The following TMEM131 variants were observed in gnomAD, a reference collection of about 807,000 sequenced individuals.
The protein encoded by TMEM131 is transmembrane protein 131, also known as 2610524E03Rik.
In TMEM131, 66 loss-of-function variants were observed where a neutral mutation model predicts 211.6. The observed-to-expected ratio is 0.31, with a 90% CI of 0.26 to 0.38. The LOEUF (loss-of-function observed/expected upper bound fraction) is 0.38. TMEM131 is among the 10% of genes least tolerant of loss of function. The pLI is 1.00. For synonymous variants in TMEM131, 844 were observed against 841.3 expected, an observed-to-expected ratio of 1.00 and a Z score of -0.06; for missense variants, 2,036 against 2,299.3, an observed-to-expected ratio of 0.89 and a Z score of 2.34.
At chr2:97,767,963 C>A (rs1679260090) in intron 33 of TMEM131, among the ~76,000 whole-genome samples, 1 of 152,198 alleles carries the variant, frequency 6.6e-6, no homozygotes, top group African/African-American at 2.4e-5. Flanking sequence ...ATAACACCCT[C>A]ATTCCCCAAC....
intron 1 of TMEM131, among the ~76,000 whole-genome samples, chr2:97,928,861 T>C (rs570292502): frequency 8.6e-5 from 13 of 151,744 alleles, no homozygotes; most frequent in Admixed American, 3.3e-4. Flanking sequence ...TGGTAATGGT[T>C]AAGAGTCAGT....
chr2:97,844,570 G>A (rs1683339231), intron 5 of TMEM131, among the ~76,000 whole-genome samples: 1 of 152,126 alleles, frequency 6.6e-6, no homozygotes, highest in Non-Finnish European at 1.5e-5. Context: ...AATCAGATAG[G>A]AGTTGCGTTG....
Position 97,756,822 on chromosome 2 carries a change from G to GT in TMEM131, c.*276dup. Reference sequence around the variant, plus strand: ...GGGGAAGACAGGTGGTGAAAACGCAGTAACGGGAAAGGTTCTCAGATGTAC... The same window carrying GT: ...GGGGAAGACAGGTGGTGAAAACGCAGTTAACGGGAAAGGTTCTCAGATGTAC... On this transcript the variant is annotated 3_prime_UTR_variant, in exon 41 of 41. Transcript: ENST00000186436. The GT allele has an allele frequency of 3.6e-6, 1 of 277,512 alleles. No individual in the cohort carries two copies. The highest frequency in any genetic ancestry group is 6.7e-6 in the Non-Finnish European group (1 of 150,312). The allele number at this position is 277,512 out of a possible 1,614,324, so 17.2% of individuals were successfully genotyped here.
At chr2:97,961,196 ATATCAAT>A (rs1678801280) in intron 1 of TMEM131, among the ~76,000 whole-genome samples, 1 of 152,132 alleles carries the variant, frequency 6.6e-6, no homozygotes, top group African/African-American at 2.4e-5. Flanking sequence ...TTAATAACAA[ATATCAAT>A]TACATTTCTA....
chr2:97,833,322 CAAAG>C (rs1682792607), intron 11 of TMEM131, 39 bp downstream of exon 11: 2 of 925,302 alleles, frequency 2.2e-6, no homozygotes. Context: ...CATTTAAAAA[CAAAG>C]AATATATAAA....
At chr2:97,796,713 T>C in intron 27 of TMEM131, 131 bp downstream of exon 27, 2 of 947,452 alleles carry the variant, frequency 2.1e-6, no homozygotes, top group Non-Finnish European at 3.1e-6. Context: ...ACATGGAATT[T>C]CCTTAAGCTC....
At chr2:97,770,205 C>G (rs1290725854) in intron 33 of TMEM131, among the ~76,000 whole-genome samples, 1 of 152,140 alleles carries the variant, frequency 6.6e-6, no homozygotes, top group African/African-American at 2.4e-5. Flanking sequence ...CACAGAATGG[C>G]TCTGTTCAGA....
chr2:97,899,844 T>C (rs1050798054), intron 3 of TMEM131, among the ~76,000 whole-genome samples: 1 of 152,128 alleles, frequency 6.6e-6, no homozygotes, highest in Non-Finnish European at 1.5e-5. Context: ...AATGGCTACA[T>C]TGAGCTAATG....
intron 1 of TMEM131, among the ~76,000 whole-genome samples, chr2:97,985,106 T>G (rs1679966235): frequency 6.6e-6 from 1 of 152,126 alleles, no homozygotes; most frequent in African/African-American, 2.4e-5. Flanking sequence ...AAATTTCCTA[T>G]TATTAAGAAC....
At chr2:97,787,931 C>T (rs1052404871) in intron 31 of TMEM131, among the ~76,000 whole-genome samples, 1 of 152,182 alleles carries the variant, frequency 6.6e-6, no homozygotes, top group Non-Finnish European at 1.5e-5. Context: ...ACATTCCTTG[C>T]TCCCACCATC....
chr2:97,970,287 G>T (rs1679240825), intron 1 of TMEM131, among the ~76,000 whole-genome samples: 1 of 152,096 alleles, frequency 6.6e-6, no homozygotes, highest in Non-Finnish European at 1.5e-5. Flanking sequence ...AGGGTATCAA[G>T]GCTGATCCAA....
intron 1 of TMEM131, among the ~76,000 whole-genome samples, chr2:97,963,647 G>A (rs984600267): frequency 2.0e-5 from 3 of 152,188 alleles, no homozygotes; most frequent in Non-Finnish European, 4.4e-5. Context: ...CCAGGGAGAC[G>A]GAGGTTGCAG....
At chr2:97,921,180 C>T (rs1230933468) in intron 2 of TMEM131, among the ~76,000 whole-genome samples, 1 of 152,026 alleles carries the variant, frequency 6.6e-6, no homozygotes, top group East Asian at 1.9e-4. Flanking sequence ...CAAAGAAATC[C>T]AATACAGTGC....
At chr2:97,791,835 A>G (rs943545388) in intron 31 of TMEM131, among the ~76,000 whole-genome samples, 1 of 152,222 alleles carries the variant, frequency 6.6e-6, no homozygotes, top group African/African-American at 2.4e-5. Context: ...CAGATAGCAA[A>G]TATTTTCAGC....
intron 31 of TMEM131, among the ~76,000 whole-genome samples, chr2:97,784,763 G>A (rs917835028): frequency 6.6e-6 from 1 of 152,030 alleles, no homozygotes; most frequent in Non-Finnish European, 1.5e-5. Context: ...AACAGAAGGC[G>A]CTGTGATTGA....
At chr2:97,848,432 A>G (rs532592225) in intron 5 of TMEM131, among the ~76,000 whole-genome samples, 1 of 152,322 alleles carries the variant, frequency 6.6e-6, no homozygotes, top group East Asian at 1.9e-4. Flanking sequence ...CTCTGCTAAA[A>G]AACAATGTAG....
intron 1 of TMEM131, among the ~76,000 whole-genome samples, chr2:97,965,376 C>A (rs1267509109): frequency 1.3e-5 from 2 of 152,240 alleles, no homozygotes; most frequent in Non-Finnish European, 2.9e-5. Flanking sequence ...GAGTTCCGGG[C>A]TGTGAGCAAG....
At chr2:97,957,644 T>A (rs1559474379) in intron 1 of TMEM131, among the ~76,000 whole-genome samples, 2 of 147,856 alleles carry the variant, frequency 1.4e-5, no homozygotes, top group Non-Finnish European at 3.0e-5. Flanking sequence ...GACATTAGTT[T>A]AAAAAAAAAA....
chr2:97,940,282 T>G (rs2104487289), intron 1 of TMEM131, among the ~76,000 whole-genome samples: 1 of 152,308 alleles, frequency 6.6e-6, no homozygotes, highest in Non-Finnish European at 1.5e-5. Context: ...CCCCATCATC[T>G]CAGCCCCAAA....
Sources: gnomAD v4.1 joint callset for allele counts (sites outside exome capture counted in the v4.1 genomes callset) on GRCh38, gnomAD v4.1.1 for gene constraint, MANE v1.5 for transcripts, NCBI Gene and HGNC (gene_info 2026-07-23, HGNC 2026-07-21) for gene names.